Variants in FHOD3 observed in about 807,000 individuals in gnomAD.
The protein encoded by FHOD3 is FH1/FH2 domain-containing protein 3.
In FHOD3, 90 loss-of-function variants were observed where a neutral mutation model predicts 173.0. The ratio of observed to expected loss-of-function variants is 0.52; its 90% CI spans 0.44 to 0.62. FHOD3 has a LOEUF of 0.62. FHOD3 is among the 20% of genes least tolerant of loss of function. The pLI is 0.00. For missense variants in FHOD3, 1,945 were observed against 2,034.7 expected (o/e 0.96, Z 0.85); for synonymous variants, 828 against 823.0 (o/e 1.01, Z -0.10).
At chr18:36,611,860 C>T in intron 8 of FHOD3, 92 bp from the exon 9 acceptor site, 1 of 1,258,500 alleles carries the variant, frequency 7.9e-7, no homozygotes, top group Non-Finnish European at 1.1e-6. Context: ...ATGATTATAA[C>T]AATATGCCTG....
intron 14 of FHOD3, among the ~76,000 whole-genome samples, chr18:36,680,016 GA>G (rs1246854355): frequency 1.3e-4 from 20 of 152,160 alleles, no homozygotes; most frequent in Admixed American, 7.2e-4. Context: ...ATACAGCAGG[GA>G]AGAATTCCCA....
intron 2 of FHOD3, 29 bp from the exon 3 acceptor site, chr18:36,372,651 T>C (rs1353116615): frequency 6.2e-7 from 1 of 1,609,300 alleles, no homozygotes. Context: ...ACTCCTCTGA[T>C]GCCCCTGTTT....
intron 10 of FHOD3, among the ~76,000 whole-genome samples, chr18:36,635,618 A>T (rs1321799274): frequency 1.3e-5 from 2 of 152,196 alleles, no homozygotes; most frequent in African/African-American, 2.4e-5. Context: ...TTGCATGGTG[A>T]CAAAGACAAA....
At chr18:36,770,853 T>G (rs1187184500) in intron 28 of FHOD3, among the ~76,000 whole-genome samples, 1 of 152,176 alleles carries the variant, frequency 6.6e-6, no homozygotes, top group Non-Finnish European at 1.5e-5. Flanking sequence ...TCCCTGCCCC[T>G]TGGATTAGTG....
At chr18:36,515,898 A>G (rs1181022404) in intron 5 of FHOD3, among the ~76,000 whole-genome samples, 3 of 152,216 alleles carry the variant, frequency 2.0e-5, no homozygotes, top group East Asian at 1.9e-4. Flanking sequence ...TTGCATGCCT[A>G]TGTCTCAGAA....
chr18:36,749,909 A>G (rs1386578349), intron 24 of FHOD3, among the ~76,000 whole-genome samples: 1 of 151,514 alleles, frequency 6.6e-6, no homozygotes, highest in Non-Finnish European at 1.5e-5. Flanking sequence ...ATTGTGGTTT[A>G]GATTTGCATT....
chr18:36,605,923 CAAACA>C (rs1271479485), intron 8 of FHOD3, among the ~76,000 whole-genome samples: 1 of 152,108 alleles, frequency 6.6e-6, no homozygotes, highest in African/African-American at 2.4e-5. Flanking sequence ...ATTTCCATGA[CAAACA>C]AAACAATGAC....
chr18:36,703,995 T>C (rs896586135), intron 17 of FHOD3, among the ~76,000 whole-genome samples: 2 of 152,148 alleles, frequency 1.3e-5, no homozygotes, highest in African/African-American at 2.4e-5. Context: ...GTGGCTGTGT[T>C]CTGGTTATGG....
At chr18:36,601,343 C>T (rs1052055022) in intron 7 of FHOD3, among the ~76,000 whole-genome samples, 1 of 152,172 alleles carries the variant, frequency 6.6e-6, no homozygotes, top group African/African-American at 2.4e-5. Context: ...TAAGTAGGTA[C>T]CTATTCTTTG....
chr18:36,595,258 T>C (rs1389317085), intron 7 of FHOD3, among the ~76,000 whole-genome samples: 2 of 152,080 alleles, frequency 1.3e-5, no homozygotes, highest in African/African-American at 2.4e-5. Flanking sequence ...GCTTCATTGC[T>C]TATGACCCCC....
At position 36,506,590 on chromosome 18, in the gene FHOD3, A is replaced by G. The variant is rs114974920; in HGVS notation, c.405+4591A>G. 9.7e-3 allele frequency among the ~76,000 whole-genome samples: 1,477 copies of G among 152,332 alleles called. 21 individuals carry two copies. The highest frequency in any genetic ancestry group is 0.033 in the African/African-American group (1,367 of 41,574). On this transcript the variant is annotated intron_variant, in intron 4 of 28. Coordinates refer to ENST00000590592, the MANE Select transcript of FHOD3 (RefSeq NM_001281740.3). ...GATATTGAAGTTTTTAACATTGGTG[A>G]AGAGGCCCCAGTTGTTCATTCATGA...
At chr18:36,689,531 G>C (rs746349444) in intron 16 of FHOD3, among the ~76,000 whole-genome samples, 1 of 152,198 alleles carries the variant, frequency 6.6e-6, no homozygotes, top group Non-Finnish European at 1.5e-5. Flanking sequence ...CAATGGTGCA[G>C]ACCAGGAGTA....
intron 10 of FHOD3, among the ~76,000 whole-genome samples, chr18:36,639,526 G>A (rs1050355302): frequency 6.6e-6 from 1 of 152,198 alleles, no homozygotes; most frequent in Non-Finnish European, 1.5e-5. Context: ...AGCCGGGCGT[G>A]GTGGCGGGTG....
At chr18:36,391,351 T>A (rs982938351) in intron 3 of FHOD3, among the ~76,000 whole-genome samples, 8 of 152,156 alleles carry the variant, frequency 5.3e-5, no homozygotes. Flanking sequence ...GATGCCAGGA[T>A]CCCTGTTTCT....
Position 36,769,381 on chromosome 18 carries a change from G to A in FHOD3, c.4741G>A (p.Val1581Met). The A allele has an allele frequency of 1.2e-6, 2 of 1,614,172 alleles. No homozygotes were observed. The highest frequency in any genetic ancestry group is 1.7e-6 in the Non-Finnish European group (2 of 1,180,030). ...AGCCACCCAAGTGCCCAGTCAGCGA[G>A]TGGTGCCGAGGGAGAGGAAACGATC... ...KSATQVPSQRVVPRERKRSRA... is the reference protein window; with the variant it reads ...KSATQVPSQRMVPRERKRSRA... Residue 1581 changes from valine to methionine, a missense_variant, in exon 28 of 29, where the codon GTG (valine) becomes ATG (methionine). By Grantham distance (21) the Val-to-Met change is conservative (BLOSUM62 1). Around this residue, in one of 5 missense-constraint regions of FHOD3, gnomAD observed 354 missense variants for 359.9 expected, o/e 0.98. Transcript: ENST00000590592.
intron 3 of FHOD3, among the ~76,000 whole-genome samples, chr18:36,419,680 G>A (rs2049883411): frequency 6.6e-6 from 1 of 152,198 alleles, no homozygotes; most frequent in Admixed American, 6.5e-5. Context: ...CCTAAGTAGT[G>A]GGTGAATGGG....
chr18:36,472,781 T>G (rs1312274048), intron 3 of FHOD3, among the ~76,000 whole-genome samples: 3 of 152,226 alleles, frequency 2.0e-5, no homozygotes, highest in African/African-American at 4.8e-5. Context: ...TTCCAGTGCA[T>G]GTATATGCCA....
chr18:36,614,627 A>G (rs2033017460), intron 9 of FHOD3, among the ~76,000 whole-genome samples: 1 of 152,120 alleles, frequency 6.6e-6, no homozygotes, highest in African/African-American at 2.4e-5. Flanking sequence ...CTGTATAAGG[A>G]TTCCAGTTAC....
intron 19 of FHOD3, 38 bp downstream of exon 19, chr18:36,718,753 TG>T: frequency 5.7e-6 from 9 of 1,589,898 alleles, no homozygotes; most frequent in Non-Finnish European, 7.7e-6. Context: ...GATTGGAAGT[TG>T]GGTAGGGCTG....
Sources: gnomAD v4.1 joint callset for allele counts (sites outside exome capture counted in the v4.1 genomes callset) on GRCh38, gnomAD v4.1.1 for gene constraint, gnomAD v4.1.1 regional missense constraint, MANE v1.5 for transcripts, NCBI Gene and HGNC (gene_info 2026-07-23, HGNC 2026-07-21) for gene names.